NBAS: variants seen among roughly 807,000 people sequenced by gnomAD.
NBAS encodes NAG/BC035112 fusion.
In NBAS, 219 loss-of-function variants were observed where a neutral mutation model predicts 302.5. That is an observed-to-expected ratio of 0.72 (90% confidence interval 0.65 to 0.81). The LOEUF (loss-of-function observed/expected upper bound fraction) is 0.81, where lower values mean the gene tolerates loss of function less well. NBAS is among the 30% of genes least tolerant of loss of function. The pLI is 0.00. For missense variants in NBAS, 2,932 were observed against 2,841.6 expected, an observed-to-expected ratio of 1.03 and a Z score of -0.72; for synonymous variants, 1,118 against 1,021.6, an observed-to-expected ratio of 1.09 and a Z score of -1.80.
intron 44 of NBAS, among the ~76,000 whole-genome samples, chr2:15,269,220 G>A (rs566625417): frequency 8.0e-4 from 122 of 152,304 alleles, no homozygotes; most frequent in Non-Finnish European, 1.5e-3. Flanking sequence ...AGTGACCACG[G>A]GCAGGGATAT....
chr2:15,386,057 A>C (rs547906170), intron 28 of NBAS, among the ~76,000 whole-genome samples: 1 of 152,280 alleles, frequency 6.6e-6, no homozygotes, highest in Non-Finnish European at 1.5e-5. Context: ...TATCTAAATT[A>C]CCAGAGAGGG....
At chr2:14,901,877 G>A in the NBAS span, among the ~76,000 whole-genome samples, 98 of 152,174 alleles carry the variant, frequency 6.4e-4, no homozygotes, top group Non-Finnish European at 1.2e-3. Flanking sequence ...TCCACAAGCA[G>A]GAATGGACCC....
At chr2:15,187,519 CT>C (rs1276321128) in intron 49 of NBAS, among the ~76,000 whole-genome samples, 1 of 152,080 alleles carries the variant, frequency 6.6e-6, no homozygotes, top group Non-Finnish European at 1.5e-5. Context: ...GAAGATCATA[CT>C]TTGGGCTTCA....
intron 9 of NBAS, among the ~76,000 whole-genome samples, chr2:15,523,255 A>T (rs1393598599): frequency 6.6e-6 from 1 of 152,172 alleles, no homozygotes; most frequent in Non-Finnish European, 1.5e-5. Flanking sequence ...TCCCGGAGAG[A>T]CTAACTGCTC....
chr2:15,342,133 G>A (rs968969679), intron 35 of NBAS, among the ~76,000 whole-genome samples: 1 of 152,080 alleles, frequency 6.6e-6, no homozygotes, highest in Non-Finnish European at 1.5e-5. Context: ...TATCCCAGGA[G>A]CCCATTTCTA....
chr2:14,895,284 A>G, the NBAS span, among the ~76,000 whole-genome samples: 2 of 152,184 alleles, frequency 1.3e-5, no homozygotes, highest in Admixed American at 6.5e-5. Context: ...ATGTGAATAT[A>G]TTACTTTGAC....
At chr2:15,333,840 TA>T (rs554151194) in intron 35 of NBAS, among the ~76,000 whole-genome samples, 7,220 of 92,354 alleles carry the variant, frequency 0.078, 345 homozygotes, top group African/African-American at 0.17. Context: ...ACAGTGGAGG[TA>T]AAAAAAAAAA....
At chr2:15,139,857 A>G in the NBAS span, among the ~76,000 whole-genome samples, 13 of 152,200 alleles carry the variant, frequency 8.5e-5, no homozygotes, top group African/African-American at 3.1e-4. Context: ...TAGAGTGTAC[A>G]GTAGTTGGTA....
Position 15,550,019 on chromosome 2 carries a change from C to T in NBAS, c.379+1474G>A, listed in dbSNP as rs1211153069. On this transcript the variant is annotated intron_variant, in intron 6 of 51. Transcript: ENST00000281513. Reference sequence around the variant, plus strand: ...AAATTTTAAAATAATAAAAAGTTAGCCAGGCATGCTGGTGCATGCCTGTGG... The same window carrying T: ...AAATTTTAAAATAATAAAAAGTTAGTCAGGCATGCTGGTGCATGCCTGTGG... 2.0e-5 allele frequency among the ~76,000 whole-genome samples: 3 copies of T among 151,952 alleles called. No individual in the cohort carries two copies. The East Asian group carries it at 5.8e-4, about 29-fold the overall frequency.
At chr2:14,799,295 T>C in the NBAS span, among the ~76,000 whole-genome samples, 7 of 152,186 alleles carry the variant, frequency 4.6e-5, no homozygotes, top group East Asian at 1.4e-3. Flanking sequence ...GTTTTCCCTT[T>C]TGATTTCTTT....
the NBAS span, among the ~76,000 whole-genome samples, chr2:15,000,299 A>G: frequency 2.0e-4 from 31 of 152,342 alleles, no homozygotes; most frequent in African/African-American, 7.5e-4. Flanking sequence ...CCAACCACTT[A>G]GAATGAGATA....
intron 35 of NBAS, among the ~76,000 whole-genome samples, chr2:15,347,535 G>C (rs1270424003): frequency 6.6e-6 from 1 of 152,200 alleles, no homozygotes; most frequent in Non-Finnish European, 1.5e-5. Flanking sequence ...CTTAGCCCAT[G>C]CTCAAGTTTT....
chr2:14,945,765 AG>A, the NBAS span, among the ~76,000 whole-genome samples: 1 of 152,310 alleles, frequency 6.6e-6, no homozygotes, highest in East Asian at 1.9e-4. Flanking sequence ...AGGAATGAAA[AG>A]AAATAAAAAT....
At chr2:15,521,410 T>G (rs1423435876) in intron 9 of NBAS, among the ~76,000 whole-genome samples, 1 of 152,190 alleles carries the variant, frequency 6.6e-6, no homozygotes, top group Non-Finnish European at 1.5e-5. Flanking sequence ...CTCTTACGTT[T>G]TAATTCTTCC....
chr2:15,143,694 A>G, the NBAS span, among the ~76,000 whole-genome samples: 1 of 152,136 alleles, frequency 6.6e-6, no homozygotes, highest in Non-Finnish European at 1.5e-5. Flanking sequence ...TGAAAGATAC[A>G]AAGTATTGAT....
chr2:15,192,297 T>C (rs1665397671), intron 48 of NBAS, among the ~76,000 whole-genome samples: 1 of 151,254 alleles, frequency 6.6e-6, no homozygotes, highest in South Asian at 2.1e-4. Context: ...TGCTATAGAG[T>C]ATATGCACAG....
At chr2:15,461,889 TA>T in intron 19 of NBAS, 98 bp from the exon 20 acceptor site, 1 of 708,660 alleles carries the variant, frequency 1.4e-6, no homozygotes, top group Non-Finnish European at 2.5e-6. Flanking sequence ...CCTGCCTAAA[TA>T]AATAAGGCCT....
chr2:14,978,962 T>TGAGGGGG, the NBAS span, among the ~76,000 whole-genome samples: 2 of 152,184 alleles, frequency 1.3e-5, no homozygotes, highest in African/African-American at 4.8e-5. Context: ...TGAATAGAAG[T>TGAGGGGG]TTCACTGGAG....
At chr2:14,942,955 G>T in the NBAS span, among the ~76,000 whole-genome samples, 1 of 152,254 alleles carries the variant, frequency 6.6e-6, no homozygotes, top group Non-Finnish European at 1.5e-5. Context: ...CCTCTCTGCA[G>T]ATCTGCCTTC....
Sources: gnomAD v4.1 joint callset for allele counts (sites outside exome capture counted in the v4.1 genomes callset) on GRCh38, gnomAD v4.1.1 for gene constraint, MANE v1.5 for transcripts, NCBI Gene and HGNC (gene_info 2026-07-23, HGNC 2026-07-21) for gene names.